The following CDH8 variants were observed in gnomAD, a reference collection of about 807,000 sequenced individuals.
CDH8 encodes the protein cadherin-8.
In CDH8, 17 loss-of-function variants were observed where a neutral mutation model predicts 68.1. The ratio of observed to expected loss-of-function variants is 0.25; its 90% CI spans 0.17 to 0.37. The LOEUF (loss-of-function observed/expected upper bound fraction) is 0.37. Ranked by LOEUF, CDH8 falls within the 10% of genes least tolerant of loss-of-function variation. CDH8 has a pLI of 1.00. For synonymous variants in CDH8, 372 were observed against 365.1 expected (o/e 1.02, Z -0.21); for missense variants, 763 against 999.3 (o/e 0.76, Z 3.19).
intron 7 of CDH8, among the ~76,000 whole-genome samples, chr16:61,803,722 G>T: frequency 6.8e-6 from 1 of 147,498 alleles, no homozygotes; most frequent in African/African-American, 2.5e-5. Context: ...AGACAAAGAA[G>T]GCCATTACAT....
intron 2 of CDH8, among the ~76,000 whole-genome samples, chr16:61,971,265 G>A (rs1965336373): frequency 6.6e-6 from 1 of 152,062 alleles, no homozygotes; most frequent in African/African-American, 2.4e-5. Context: ...TCTTCACACG[G>A]ACGTGCATGA....
At chr16:61,899,867 C>CACA (rs1321715578) in intron 3 of CDH8, among the ~76,000 whole-genome samples, 5 of 145,620 alleles carry the variant, frequency 3.4e-5, no homozygotes, top group African/African-American at 1.3e-4. Flanking sequence ...CACACACACA[C>CACA]GAGTATCTCA....
chr16:61,663,764 T>C (rs1456724324), intron 10 of CDH8, among the ~76,000 whole-genome samples: 4 of 151,562 alleles, frequency 2.6e-5, no homozygotes, highest in Admixed American at 2.6e-4. Context: ...TCTAATCTTA[T>C]AAGAATTCCT....
chr16:61,868,382 T>G (rs1963294689), intron 3 of CDH8, among the ~76,000 whole-genome samples: 1 of 152,220 alleles, frequency 6.6e-6, no homozygotes, highest in African/African-American at 2.4e-5. Flanking sequence ...CAGAGATTAA[T>G]GTAGCACATT....
chr16:61,858,710 T>C (rs150865226), intron 3 of CDH8, among the ~76,000 whole-genome samples: 88 of 152,230 alleles, frequency 5.8e-4, no homozygotes, highest in African/African-American at 2.0e-3. Context: ...ATCTGGGATG[T>C]GATGCAGTCA....
At chr16:61,772,735 T>G (rs1030678827) in intron 8 of CDH8, among the ~76,000 whole-genome samples, 1 of 151,998 alleles carries the variant, frequency 6.6e-6, no homozygotes, top group South Asian at 2.1e-4. Context: ...ATAGCTATGG[T>G]TCTCAAGGCA....
chr16:61,826,989 TAGAAATAAAAAC>T (rs140558758), intron 4 of CDH8, among the ~76,000 whole-genome samples: 4,753 of 151,916 alleles, frequency 0.031, 240 homozygotes, highest in African/African-American at 0.11. Flanking sequence ...CCTATATAGT[TAGAAATAAAAAC>T]AGAAATAAAA....
chr16:61,932,957 G>A (rs531651710), intron 2 of CDH8, among the ~76,000 whole-genome samples: 21 of 152,250 alleles, frequency 1.4e-4, no homozygotes, highest in African/African-American at 3.9e-4. Flanking sequence ...CCAGGAAGCC[G>A]TTGGACACAC....
At chr16:61,752,555 C>G (rs1224220397) in intron 8 of CDH8, among the ~76,000 whole-genome samples, 1 of 152,152 alleles carries the variant, frequency 6.6e-6, no homozygotes, top group East Asian at 1.9e-4. Context: ...AGAAACCACT[C>G]CTGATACATC....
intron 2 of CDH8, among the ~76,000 whole-genome samples, chr16:61,929,568 G>A (rs1224872943): frequency 2.6e-5 from 4 of 152,078 alleles, no homozygotes; most frequent in Non-Finnish European, 5.9e-5. Flanking sequence ...TTTTTTAACA[G>A]GTTGGGAATC....
At chr16:61,817,336 A>G in intron 7 of CDH8, 143 bp downstream of exon 7, 1 of 744,944 alleles carries the variant, frequency 1.3e-6, no homozygotes, top group Non-Finnish European at 2.3e-6. Context: ...ACACACACAC[A>G]CACACAGTAT....
chr16:61,903,392 C>G (rs933506007), intron 2 of CDH8, among the ~76,000 whole-genome samples: 1 of 152,202 alleles, frequency 6.6e-6, no homozygotes, highest in African/African-American at 2.4e-5. Flanking sequence ...GACGCGATCT[C>G]AGCTCATTGC....
At chr16:61,833,077 G>A (rs1567491580) in intron 4 of CDH8, among the ~76,000 whole-genome samples, 1 of 151,576 alleles carries the variant, frequency 6.6e-6, no homozygotes, top group Non-Finnish European at 1.5e-5. Flanking sequence ...GAAATTCCCT[G>A]AGGCTCACTG....
chr16:62,020,226 G>A (rs1902038334), intron 2 of CDH8, among the ~76,000 whole-genome samples: 1 of 152,130 alleles, frequency 6.6e-6, no homozygotes, highest in Admixed American at 6.5e-5. Context: ...TTGCATTTGG[G>A]AAGTGAATAA....
intron 9 of CDH8, among the ~76,000 whole-genome samples, chr16:61,716,603 C>T (rs1207445952): frequency 2.0e-5 from 3 of 151,644 alleles, no homozygotes; most frequent in African/African-American, 7.3e-5. Flanking sequence ...ATTCATAGTT[C>T]TCTCCTCATA....
rs1964678148 is a variant in CDH8 at position 61,714,068 on chromosome 16, CTT to C, written c.1537-112_1537-111del. On this transcript the variant is annotated intron_variant, in intron 9 of 11. Coordinates refer to ENST00000577390, the MANE Select transcript of CDH8 (RefSeq NM_001796.5). ...GGTCTGATACTTTGGCTCAGAGACT[CTT>C]TTTCAGCTTTCTAAATTGTCATGGA... The C allele has an allele frequency of 4.1e-6, 3 of 734,306 alleles. No individual in the cohort carries two copies. The East Asian group carries it at 7.5e-5, about 18-fold the overall frequency. The allele number at this position is 734,306 out of a possible 1,614,324, so 45.5% of individuals were successfully genotyped here. A position where few individuals can be genotyped will look rare whatever the true frequency, so the allele number is the denominator to read the frequency against.
At position 61,753,890 on chromosome 16, in the gene CDH8, G is replaced by T. The variant is rs748492448; in HGVS notation, c.1415-26675C>A. 4.6e-5 allele frequency among the ~76,000 whole-genome samples: 7 copies of T among 152,106 alleles called. No homozygotes were observed. In the South Asian group the frequency reaches 1.0e-3, roughly 23 times the overall value. On this transcript the variant is annotated intron_variant, in intron 8 of 11. Transcript: ENST00000577390. ...TAAGGAAAAAACAATAATAAAAACAGTAGGAGCTTTCATCTGCCAGGTCAC... is the reference window on the plus strand; with the variant it reads ...TAAGGAAAAAACAATAATAAAAACATTAGGAGCTTTCATCTGCCAGGTCAC...
intron 9 of CDH8, among the ~76,000 whole-genome samples, chr16:61,721,549 A>G (rs888957359): frequency 1.3e-5 from 2 of 150,888 alleles, no homozygotes; most frequent in African/African-American, 4.8e-5. Flanking sequence ...TCTAGGGATA[A>G]TTACCTTTAC....
intron 10 of CDH8, among the ~76,000 whole-genome samples, chr16:61,686,032 C>T (rs1243293021): frequency 2.0e-5 from 3 of 151,954 alleles, no homozygotes; most frequent in African/African-American, 7.2e-5. Context: ...GATGAATATT[C>T]TGGTCCACAT....
Sources: allele counts gnomAD v4.1 joint callset (sites outside exome capture counted in the v4.1 genomes callset), GRCh38; gene constraint gnomAD v4.1.1; transcripts MANE v1.5; gene names NCBI Gene and HGNC (gene_info 2026-07-23, HGNC 2026-07-21).